Variants in STAG2 observed in about 807,000 individuals in gnomAD.
STAG2 encodes cohesin subunit SA-2.
In STAG2, 14 loss-of-function variants were observed where a neutral mutation model predicts 108.1. The ratio of observed to expected loss-of-function variants is 0.13; its 90% confidence interval spans 0.09 to 0.20. The LOEUF is 0.20. Ranked by LOEUF, STAG2 falls within the 10% of genes least tolerant of loss-of-function variation. The pLI is 1.00. For missense variants in STAG2, 440 were observed against 940.9 expected, an observed-to-expected ratio of 0.47 and a Z score of 6.96; for synonymous variants, 307 against 302.7, an observed-to-expected ratio of 1.01 and a Z score of -0.15.
At chrX:124,017,545 G>T (rs1194371919) in intron 1 of STAG2, among the ~76,000 whole-genome samples, 2 of 111,095 alleles carry the variant, frequency 1.8e-5, no homozygotes, top group Admixed American at 9.6e-5. Context: ...TAATTATTTT[G>T]GGGGGAAAAA....
At chrX:124,075,722 T>C (rs376981400) in intron 25 of STAG2, among the ~76,000 whole-genome samples, 3 of 111,882 alleles carry the variant, frequency 2.7e-5, no homozygotes, top group African/African-American at 9.7e-5. Flanking sequence ...AAAACAATTA[T>C]TTTGCATTAC....
At chrX:124,011,138 T>C (rs1370242688) in intron 1 of STAG2, among the ~76,000 whole-genome samples, 1 of 111,773 alleles carries the variant, frequency 8.9e-6, no homozygotes, top group Non-Finnish European at 1.9e-5. Context: ...CAGTTTTTGA[T>C]GCTGTTGTAA....
intron 32 of STAG2, chrX:124,093,798 C>T: frequency 8.2e-6 from 3 of 367,214 alleles, no homozygotes; most frequent in Non-Finnish European, 1.4e-5. Flanking sequence ...GCTAAATGTA[C>T]TGAAGTAATG....
intron 1 of STAG2, among the ~76,000 whole-genome samples, chrX:124,007,714 C>T (rs2056356918): frequency 8.9e-6 from 1 of 112,378 alleles, no homozygotes; most frequent in Non-Finnish European, 1.9e-5. Flanking sequence ...CATTCATATA[C>T]ATGTTCTTAC....
intron 25 of STAG2, among the ~76,000 whole-genome samples, chrX:124,073,515 C>G (rs1297805076): frequency 9.0e-6 from 1 of 111,403 alleles, no homozygotes; most frequent in African/African-American, 3.3e-5. Flanking sequence ...CTAAATCTCC[C>G]AGGTACAAAT....
At chrX:123,987,764 C>G (rs1477700699) in intron 1 of STAG2, among the ~76,000 whole-genome samples, 2 of 111,815 alleles carry the variant, frequency 1.8e-5, no homozygotes, top group Non-Finnish European at 3.8e-5. Flanking sequence ...AACATAAAAT[C>G]TGTACATAGG....
intron 1 of STAG2, among the ~76,000 whole-genome samples, chrX:123,967,546 G>A (rs2054162725): frequency 9.0e-6 from 1 of 111,452 alleles, no homozygotes; most frequent in Non-Finnish European, 1.9e-5. Context: ...GATTACAGGC[G>A]TGAGCCACTG....
At chrX:124,066,332 T>C in intron 22 of STAG2, 24 bp from the exon 23 acceptor site, 1 of 1,193,196 alleles carries the variant, frequency 8.4e-7, no homozygotes, top group African/African-American at 1.7e-5. Context: ...AAATTTTAAC[T>C]GTATCCTTTG....
chrX:124,083,117 A>G (rs780606414), intron 28 of STAG2, among the ~76,000 whole-genome samples: 3 of 111,870 alleles, frequency 2.7e-5, no homozygotes, highest in East Asian at 5.6e-4. Context: ...GAGAATTTAC[A>G]TTATTTTCTA....
At chrX:124,018,913 G>A (rs1000101904) in intron 1 of STAG2, among the ~76,000 whole-genome samples, 1 of 110,853 alleles carries the variant, frequency 9.0e-6, no homozygotes, top group African/African-American at 3.3e-5. Flanking sequence ...CAACTCATCC[G>A]TTGGGTTCCT....
chrX:124,044,679 A>G (rs1422423213), intron 7 of STAG2, among the ~76,000 whole-genome samples: 1 of 112,074 alleles, frequency 8.9e-6, no homozygotes, highest in Non-Finnish European at 1.9e-5. Flanking sequence ...TTCTTTAAAA[A>G]ATTATGATTG....
chrX:124,062,174 A>G (rs1280728699), intron 17 of STAG2, among the ~76,000 whole-genome samples: 1 of 111,453 alleles, frequency 9.0e-6, no homozygotes, highest in African/African-American at 3.3e-5. Context: ...TTTGCTTTCT[A>G]TTTCTTCTAA....
chrX:123,967,222 C>T (rs1014068733), intron 1 of STAG2, among the ~76,000 whole-genome samples: 9 of 104,120 alleles, frequency 8.6e-5, no homozygotes, highest in Non-Finnish European at 1.4e-4. Flanking sequence ...TTCCTTCTGC[C>T]GAAGAAAGAG....
intron 14 of STAG2, among the ~76,000 whole-genome samples, chrX:124,057,475 G>C (rs566515171): frequency 6.2e-5 from 7 of 112,258 alleles, no homozygotes; most frequent in African/African-American, 2.3e-4. Context: ...TTGCCAGAAG[G>C]ATGGAAGGAA....
chrX:124,051,084 A>C, intron 11 of STAG2, 37 bp from the exon 12 acceptor site: 5 of 808,560 alleles, frequency 6.2e-6, no homozygotes, highest in Non-Finnish European at 8.8e-6. Flanking sequence ...ATAGAGTTTT[A>C]ATGCATTGTC....
chrX:124,064,085 G>A, intron 20 of STAG2, 34 bp downstream of exon 20: 1 of 1,063,631 alleles, frequency 9.4e-7, no homozygotes, highest in Non-Finnish European at 1.3e-6. Context: ...TATTTTGTCA[G>A]TTGAGCCCCT....
At chrX:124,048,199 T>G (rs776112341) in intron 9 of STAG2, among the ~76,000 whole-genome samples, 1 of 111,803 alleles carries the variant, frequency 8.9e-6, no homozygotes, top group Non-Finnish European at 1.9e-5. Context: ...TGAATTTTTT[T>G]GGGGAGGGGA....
chrX:124,070,321 T>C (rs985834728), intron 24 of STAG2, among the ~76,000 whole-genome samples: 2 of 111,832 alleles, frequency 1.8e-5, no homozygotes, highest in African/African-American at 6.5e-5. Context: ...AAAAAGTAAA[T>C]GTGGTTAGTT....
chrX:123,963,313 G>C (rs1299214386), intron 1 of STAG2: 1 of 111,279 alleles, frequency 9.0e-6, no homozygotes, highest in Non-Finnish European at 1.9e-5. Flanking sequence ...GTAGCCTAGC[G>C]CGTTGCGTTT....
Sources: gnomAD v4.1 joint callset for allele counts (sites outside exome capture counted in the v4.1 genomes callset) on GRCh38, gnomAD v4.1.1 for gene constraint, MANE v1.5 for transcripts, NCBI Gene and HGNC (gene_info 2026-07-23, HGNC 2026-07-21) for gene names.